EIF4ENIF1: variants seen among roughly 807,000 people sequenced by gnomAD.
EIF4ENIF1 encodes the protein eukaryotic translation initiation factor 4E transporter.
In EIF4ENIF1, 23 loss-of-function variants were observed where a neutral mutation model predicts 110.5. That is an observed-to-expected ratio of 0.21 (90% CI 0.15 to 0.29). EIF4ENIF1 has a LOEUF of 0.29. Ranked by LOEUF, EIF4ENIF1 falls within the 10% of genes least tolerant of loss-of-function variation. EIF4ENIF1 has a pLI of 1.00. For missense variants in EIF4ENIF1, 1,031 were observed against 1,221.1 expected, an observed-to-expected ratio of 0.84 and a Z score of 2.32; for synonymous variants, 440 against 437.0, an observed-to-expected ratio of 1.01 and a Z score of -0.09.
intron 14 of EIF4ENIF1, among the ~76,000 whole-genome samples, chr22:31,445,602 TACAG>T (rs1164227712): frequency 6.6e-6 from 1 of 152,186 alleles, no homozygotes; most frequent in Non-Finnish European, 1.5e-5. Flanking sequence ...GAGCACCTGC[TACAG>T]ACACTGTTCC....
In EIF4ENIF1 at chr22:31,471,876, C is replaced by T. The variant is rs370375793; in HGVS notation, c.138G>A (p.Gln46=). ...LDIKELPHSK[Q]RPSCLSEKYD... ...ATTTTTCAGAAAGGCATGAAGGCCT[C>T]TGTTTGGAATGGGGGAGTTCTTTTA... The change falls in exon 3 of 19, where the codon CAG becomes CAA. Residue 46 remains glutamine, a synonymous_variant. Coordinates refer to ENST00000330125, the MANE Select transcript of EIF4ENIF1 (RefSeq NM_019843.4). 35 of 1,607,110 alleles carry T rather than the reference C, an allele frequency of 2.2e-5. No homozygotes were observed. The highest frequency in any genetic ancestry group is 6.9e-5 in the Admixed American group (4 of 58,122).
At chr22:31,492,039 C>G (rs999428329), upstream of EIF4ENIF1, among the ~76,000 whole-genome samples, 1 of 152,096 alleles carries the variant, frequency 6.6e-6, no homozygotes, top group Non-Finnish European at 1.5e-5. Flanking sequence ...CTGAGGGTCC[C>G]GTAAAAGCGT....
chr22:31,444,295 TCTCA>T (rs537363279), intron 15 of EIF4ENIF1: 137 of 278,372 alleles, frequency 4.9e-4, no homozygotes, highest in African/African-American at 2.7e-3. Context: ...ACCTCCTGTC[TCTCA>T]CTATCGTCCT....
At chr22:31,455,786 T>C (rs2145952424) in intron 8 of EIF4ENIF1, 66 bp downstream of exon 8, 1 of 1,598,576 alleles carries the variant, frequency 6.3e-7, no homozygotes, top group Non-Finnish European at 8.6e-7. Flanking sequence ...CTAATGAAGA[T>C]AAAATGAACC....
At position 31,488,921 on chromosome 22, in the gene EIF4ENIF1, A is replaced by G. The variant is rs2052149018; in HGVS notation, c.-27-176T>C. ...CTTGGAGATAGAATCATTGGTACTC[A>G]GTTCTCTTTCCTAGTATCCTAAGCA... On this transcript the variant is annotated intron_variant, in intron 1 of 18. Transcript: ENST00000330125. The G allele has an allele frequency of 7.2e-6, 5 of 695,918 alleles. No individual in the cohort carries two copies. In the South Asian group the frequency reaches 9.9e-5, roughly 14 times the overall value. The allele number at this position is 695,918 out of a possible 1,614,324, so 43.1% of individuals were successfully genotyped here. A position where few individuals can be genotyped will look rare whatever the true frequency, so the allele number is the denominator to read the frequency against.
At chr22:31,458,925 C>CTTT (rs11337049) in intron 6 of EIF4ENIF1, among the ~76,000 whole-genome samples, 46 of 107,224 alleles carry the variant, frequency 4.3e-4, no homozygotes, top group African/African-American at 1.1e-3. Flanking sequence ...GGAGGGGGGT[C>CTTT]TTTTTTTTTT....
Position 31,463,971 on chromosome 22 carries a change from G to A in EIF4ENIF1, c.299-4C>T. 1.2e-6 allele frequency: 2 copies of A among 1,609,014 alleles called. No homozygotes were observed. The highest frequency in any genetic ancestry group is 1.7e-6 in the Non-Finnish European group (2 of 1,178,358). The stretch of plus-strand genomic sequence containing the variant: ...TCTTTCACACGCTCTCGTGGATCTG[G>A]AAGGACGTGGGAAAGACAAAGTTAA... On this transcript the variant is annotated splice_polypyrimidine_tract_variant and splice_region_variant and intron_variant, in intron 4 of 18. Coordinates refer to ENST00000330125, the MANE Select transcript of EIF4ENIF1 (RefSeq NM_019843.4).
At chr22:31,474,552 A>G (rs2051504492) in intron 2 of EIF4ENIF1, among the ~76,000 whole-genome samples, 2 of 148,890 alleles carry the variant, frequency 1.3e-5, no homozygotes, top group Non-Finnish European at 3.0e-5. Flanking sequence ...ATCCTGTCCC[A>G]GCCCTGGAAT....
chr22:31,458,505 A>C lies in EIF4ENIF1; in HGVS notation c.933T>G (p.Phe311Leu). The change falls in exon 7 of 19, where the codon TTT becomes TTG. Residue 311 changes from phenylalanine to leucine, a missense_variant. By Grantham distance (22) the Phe-to-Leu change is conservative (BLOSUM62 0). This residue lies in a region of EIF4ENIF1 where 704 missense variants were observed against 879.7 expected (regional missense o/e 0.80). Transcript: ENST00000330125. ...SPGDFDFNEFFNLDKVPCLAS... is the reference protein window; with the variant it reads ...SPGDFDFNEFLNLDKVPCLAS... ...CCAAGCATGGCACCTTATCAAGGTT[A>C]AAGAACTCATTAAAGTCAAAGTCTC... The C allele has an allele frequency of 1.9e-6, 3 of 1,610,056 alleles. No individual in the cohort carries two copies. Among genetic ancestry groups the C allele is most frequent in the Non-Finnish European group, 1.7e-6 (2 of 1,176,952 alleles).
chr22:31,493,233 G>A (rs912055732), upstream of EIF4ENIF1, among the ~76,000 whole-genome samples: 3 of 151,960 alleles, frequency 2.0e-5, no homozygotes, highest in African/African-American at 4.8e-5. Context: ...GTTTCACCAC[G>A]TTAGCCAGGA....
intron 6 of EIF4ENIF1, 36 bp from the exon 7 acceptor site, chr22:31,458,686 G>A (rs2050902033): frequency 6.5e-7 from 1 of 1,531,718 alleles, no homozygotes; most frequent in African/African-American, 1.4e-5. Flanking sequence ...CGTCTGATAA[G>A]TAAATCACTC....
intron 6 of EIF4ENIF1, among the ~76,000 whole-genome samples, chr22:31,460,392 G>C (rs966180973): frequency 6.6e-6 from 1 of 152,192 alleles, no homozygotes. Context: ...TCAGCACTTT[G>C]GGAGGCTGAG....
chr22:31,468,452 T>C, intron 3 of EIF4ENIF1, 150 bp from the exon 4 acceptor site: 1 of 1,097,206 alleles, frequency 9.1e-7, no homozygotes, highest in Non-Finnish European at 1.3e-6. Context: ...TGGAGCGCAG[T>C]GGCGTGATCT....
chr22:31,454,470 T>C (rs2050759033), intron 9 of EIF4ENIF1, 94 bp from the exon 10 acceptor site: 1 of 1,059,010 alleles, frequency 9.4e-7, no homozygotes, highest in African/African-American at 1.6e-5. Flanking sequence ...GAAAATAATT[T>C]ATTTCAAAAT....
chr22:31,488,353 C>T (rs2052124497), intron 2 of EIF4ENIF1, among the ~76,000 whole-genome samples: 2 of 152,254 alleles, frequency 1.3e-5, no homozygotes, highest in Non-Finnish European at 2.9e-5. Flanking sequence ...TGTTACAGAA[C>T]TTACAAAGTA....
chr22:31,479,687 G>GT (rs11321585), intron 2 of EIF4ENIF1, among the ~76,000 whole-genome samples: 1,472 of 124,786 alleles, frequency 0.012, 9 homozygotes, highest in African/African-American at 0.022. Flanking sequence ...TTGGAAAGGT[G>GT]TTTTTTTTTT....
Position 31,441,473 on chromosome 22 carries a change from G to C in EIF4ENIF1, c.2551+301C>G, listed in dbSNP as rs9621257. Among the ~76,000 whole-genome samples, 26 of 148,442 alleles carry C rather than the reference G, an allele frequency of 1.8e-4. 1 individual carries two copies. The South Asian group carries it at 5.6e-3, about 32-fold the overall frequency. On this transcript the variant is annotated intron_variant, in intron 17 of 18. Transcript: ENST00000330125. ...GAGAATTGCTTGAACTCAGGAGGCAGAGGTTGCAGTGAGCTGAGATTGCGC... is the reference window on the plus strand; with the variant it reads ...GAGAATTGCTTGAACTCAGGAGGCACAGGTTGCAGTGAGCTGAGATTGCGC...
intron 2 of EIF4ENIF1, among the ~76,000 whole-genome samples, chr22:31,473,632 T>C (rs1247215145): frequency 6.6e-6 from 1 of 152,222 alleles, no homozygotes; most frequent in Admixed American, 6.5e-5. Context: ...TTTCTCATGA[T>C]AGACTGAGCC....
intron 2 of EIF4ENIF1, among the ~76,000 whole-genome samples, chr22:31,485,740 G>A (rs1272234523): frequency 1.3e-5 from 2 of 152,062 alleles, no homozygotes; most frequent in Non-Finnish European, 2.9e-5. Flanking sequence ...GGAAGCGGAG[G>A]TTGCAGTGAG....
Sources: allele counts gnomAD v4.1 joint callset (sites outside exome capture counted in the v4.1 genomes callset), GRCh38; gene constraint gnomAD v4.1.1; regional missense constraint gnomAD v4.1.1; transcripts MANE v1.5; gene names NCBI Gene and HGNC (gene_info 2026-07-23, HGNC 2026-07-21).